The following ZBTB38 variants were observed in gnomAD, a reference collection of about 807,000 sequenced individuals.
ZBTB38 encodes the protein zinc finger and BTB domain containing 38.
In ZBTB38, 20 loss-of-function variants were observed where a neutral mutation model predicts 76.8. That is an observed-to-expected ratio of 0.26 (90% CI 0.18 to 0.38). The LOEUF is 0.38. ZBTB38 is among the 10% of genes least tolerant of loss of function. The pLI is 1.00. For synonymous variants in ZBTB38, 504 were observed against 544.2 expected (o/e 0.93, Z 1.03); for missense variants, 1,082 against 1,482.3 (o/e 0.73, Z 4.43).
chr3:141,372,604 A>T (rs543342205), intron 2 of ZBTB38, among the ~76,000 whole-genome samples: 4 of 151,250 alleles, frequency 2.6e-5, no homozygotes, highest in African/African-American at 9.7e-5. Flanking sequence ...GTGAACCGAG[A>T]TCACACCACA....
chr3:141,448,635 CTAATT>C lies in ZBTB38; in HGVS notation c.*2661_*2665del, dbSNP rs1448053748. 4 of 152,162 alleles carry C rather than the reference CTAATT, an allele frequency of 2.6e-5. No individual in the cohort carries two copies. Among genetic ancestry groups the C allele is most frequent in the African/African-American group, 9.7e-5 (4 of 41,438 alleles). 9.4% of individuals were successfully genotyped at this position (152,162 alleles called of 1,614,324 possible). A position where few individuals can be genotyped will look rare whatever the true frequency, so the allele number is the denominator to read the frequency against. ...TGCAGATGTTAAGGATTGGAAAAGT[CTAATT>C]TTATTTTTAGAAATAATGGATATAA... On this transcript the variant is annotated 3_prime_UTR_variant, in exon 6 of 6. Coordinates refer to ENST00000321464, the MANE Select transcript of ZBTB38 (RefSeq NM_001376113.1).
In ZBTB38 at chr3:141,358,631, G is replaced by A. The variant is rs1943731490; in HGVS notation, c.-738-9990G>A. Among the ~76,000 whole-genome samples the A allele has an allele frequency of 2.0e-5, 3 of 152,008 alleles. No individual in the cohort carries two copies. In the South Asian group the frequency reaches 6.2e-4, roughly 31 times the overall value. On this transcript the variant is annotated intron_variant, in intron 1 of 7. Coordinates refer to the ZBTB38 transcript ENST00000509842. ...GTATAATTCAAATTTTTTTAGTATAGTCACAGACAAATGCAACCATCAACA... is the reference window on the plus strand; with the variant it reads ...GTATAATTCAAATTTTTTTAGTATAATCACAGACAAATGCAACCATCAACA...
At chr3:141,437,972 C>T (rs532319796) in intron 5 of ZBTB38, among the ~76,000 whole-genome samples, 4 of 151,930 alleles carry the variant, frequency 2.6e-5, no homozygotes, top group South Asian at 2.1e-4. Context: ...AGTGCAGTGG[C>T]GCAATCTTGG....
chr3:141,440,544 A>T (rs2079891336), intron 5 of ZBTB38, among the ~76,000 whole-genome samples: 1 of 152,230 alleles, frequency 6.6e-6, no homozygotes, highest in Non-Finnish European at 1.5e-5. Flanking sequence ...AAGAAGTATC[A>T]TCAAACTGTA....
At chr3:141,417,506 C>A (rs748406352) in intron 5 of ZBTB38, among the ~76,000 whole-genome samples, 15 of 152,214 alleles carry the variant, frequency 9.9e-5, no homozygotes, top group Non-Finnish European at 2.2e-4. Flanking sequence ...TGCCTTTCCC[C>A]TAATTTCCAG....
At position 141,395,626 on chromosome 3, in the gene ZBTB38, A is replaced by T. The variant is rs1042591607; in HGVS notation, c.-105-8301A>T. ...TAATATTAAGTATAGTAATAATGATATACTATCATTCACAGATACAGAAAT... is the reference window on the plus strand; with the variant it reads ...TAATATTAAGTATAGTAATAATGATTTACTATCATTCACAGATACAGAAAT... On this transcript the variant is annotated intron_variant, in intron 4 of 5. Transcript: ENST00000321464. Among the ~76,000 whole-genome samples the T allele has an allele frequency of 2.0e-5, 3 of 152,244 alleles. No homozygotes were observed. In the East Asian group the frequency reaches 5.8e-4, roughly 29 times the overall value.
At chr3:141,341,369 A>G (rs1489005338) in intron 1 of ZBTB38, among the ~76,000 whole-genome samples, 2 of 152,270 alleles carry the variant, frequency 1.3e-5, no homozygotes, top group East Asian at 1.9e-4. Flanking sequence ...ACATGACTGT[A>G]TACAAATGCT....
In ZBTB38 at chr3:141,391,247, A is replaced by G. The variant is rs573163649; in HGVS notation, c.-106+4310A>G. ...AGCCACTTTAAAATGGTTGATCAGAATGTTCTGAGGATGTAGCATTTAAGT... is the reference window on the plus strand; with the variant it reads ...AGCCACTTTAAAATGGTTGATCAGAGTGTTCTGAGGATGTAGCATTTAAGT... On this transcript the variant is annotated intron_variant, in intron 4 of 5. Coordinates refer to ENST00000321464, the MANE Select transcript of ZBTB38 (RefSeq NM_001376113.1). Among the ~76,000 whole-genome samples, 35 of 152,314 alleles carry G rather than the reference A, an allele frequency of 2.3e-4. 1 individual carries two copies. The highest frequency in any genetic ancestry group is 6.5e-4 in the Admixed American group (10 of 15,296).
At chr3:141,357,975 T>A (rs1943715879) in intron 1 of ZBTB38, among the ~76,000 whole-genome samples, 1 of 152,338 alleles carries the variant, frequency 6.6e-6, no homozygotes, top group South Asian at 2.1e-4. Flanking sequence ...GAGGAAAAGA[T>A]GTTTCCCAAT....
intron 4 of ZBTB38, among the ~76,000 whole-genome samples, chr3:141,403,442 ATCT>A (rs947918897): frequency 2.5e-4 from 38 of 152,228 alleles, no homozygotes; most frequent in African/African-American, 8.9e-4. Flanking sequence ...GCTACTGGAA[ATCT>A]TCTTAAAGAT....
intron 5 of ZBTB38, among the ~76,000 whole-genome samples, chr3:141,406,340 G>A (rs191441362): frequency 6.6e-6 from 1 of 152,270 alleles, no homozygotes; most frequent in East Asian, 1.9e-4. Flanking sequence ...AAAAAGAGGG[G>A]CAGAAAAGGC....
intron 3 of ZBTB38, among the ~76,000 whole-genome samples, chr3:141,381,877 A>G (rs1366087088): frequency 6.6e-6 from 1 of 152,224 alleles, no homozygotes; most frequent in Admixed American, 6.5e-5. Context: ...GACCTGAGAC[A>G]GAGGCAAAAT....
intron 2 of ZBTB38, among the ~76,000 whole-genome samples, chr3:141,375,863 C>A (rs1370485118): frequency 6.6e-6 from 1 of 152,192 alleles, no homozygotes; most frequent in East Asian, 1.9e-4. Context: ...CTTTTTAAAT[C>A]TGAAAGGTGC....
chr3:141,401,015 T>A (rs918676564), intron 4 of ZBTB38, among the ~76,000 whole-genome samples: 15 of 152,170 alleles, frequency 9.9e-5, no homozygotes, highest in Admixed American at 3.3e-4. Flanking sequence ...GTGCCTCAGT[T>A]TTCTTGGAGG....
rs148763517 is a variant in ZBTB38, at chr3:141,383,907, G to C, written c.-172+2420G>C. On this transcript the variant is annotated intron_variant, in intron 3 of 5. Coordinates refer to ENST00000321464, the MANE Select transcript of ZBTB38 (RefSeq NM_001376113.1). ...GCACATGCCCCGAGGAGGCTGATGA[G>C]AAGCACGCAATTTTTTTAAATCATA... Among the ~76,000 whole-genome samples the C allele has an allele frequency of 2.1e-3, 325 of 152,328 alleles. 1 individual carries two copies. Among genetic ancestry groups the C allele is most frequent in the African/African-American group, 7.6e-3 (314 of 41,560 alleles).
At chr3:141,334,405 T>TTTCCTTCC (rs56692861) in intron 1 of ZBTB38, among the ~76,000 whole-genome samples, 215 of 130,238 alleles carry the variant, frequency 1.7e-3, no homozygotes, top group African/African-American at 4.1e-3. Flanking sequence ...TCCTTCCTTC[T>TTTCCTTCC]TTCCTTCCTT....
chr3:141,418,928 T>C (rs2074717356), intron 5 of ZBTB38, among the ~76,000 whole-genome samples: 1 of 152,266 alleles, frequency 6.6e-6, no homozygotes, highest in Admixed American at 6.5e-5. Context: ...AGCAGTGTGC[T>C]AATGGCATGC....
At chr3:141,385,679 T>TGTGC (rs1491583991) in intron 3 of ZBTB38, among the ~76,000 whole-genome samples, 18 of 143,282 alleles carry the variant, frequency 1.3e-4, no homozygotes, top group East Asian at 1.1e-3. Flanking sequence ...TGTGTGTGTG[T>TGTGC]GCGCGTGTGT....
At position 141,448,335 on chromosome 3, in the gene ZBTB38, T is replaced by C. The variant is rs988438334; in HGVS notation, c.*2359T>C. ...CATTTAAAATGTTGATAGCTTGTGT[T>C]AGTTTCAGGGAGGGGTGTATATTTT... On this transcript the variant is annotated 3_prime_UTR_variant, in exon 6 of 6. Coordinates refer to ENST00000321464, the MANE Select transcript of ZBTB38 (RefSeq NM_001376113.1). The C allele has an allele frequency of 1.3e-5, 2 of 152,652 alleles. No homozygotes were observed. Among genetic ancestry groups the C allele is most frequent in the South Asian group, 2.1e-4 (1 of 4,836 alleles). The allele number at this position is 152,652 out of a possible 1,614,324, so 9.5% of individuals were successfully genotyped here. A position where few individuals can be genotyped will look rare whatever the true frequency, so the allele number is the denominator to read the frequency against.
Sources: gnomAD v4.1 joint callset for allele counts (sites outside exome capture counted in the v4.1 genomes callset) on GRCh38, gnomAD v4.1.1 for gene constraint, MANE v1.5 for transcripts, NCBI Gene and HGNC (gene_info 2026-07-23, HGNC 2026-07-21) for gene names.